Variants in HIVEP3 observed in about 807,000 individuals in gnomAD.
HIVEP3 encodes HIVEP zinc finger 3, also known as transcription factor HIVEP3.
A neutral mutation model predicts 152.8 loss-of-function variants in HIVEP3; 49 were observed. That is an observed-to-expected ratio of 0.32 (90% CI 0.26 to 0.41). The LOEUF (loss-of-function observed/expected upper bound fraction) is 0.41, where lower values mean the gene tolerates loss of function less well. Among genes scored for constraint, HIVEP3 ranks in the 10% least tolerant of loss-of-function variants. The probability of loss-of-function intolerance (pLI) is 1.00; values close to 1 mark genes in which losing one functional copy is unlikely to be tolerated. For synonymous variants in HIVEP3, 1,269 were observed against 1,289.0 expected (o/e 0.98, Z 0.33); for missense variants, 2,790 against 3,103.3 (o/e 0.90, Z 2.40).
intron 3 of HIVEP3, among the ~76,000 whole-genome samples, chr1:41,601,363 T>C (rs1219568257): frequency 2.6e-5 from 4 of 152,180 alleles, no homozygotes; most frequent in African/African-American, 4.8e-5. Flanking sequence ...GTTAACAATA[T>C]TAATTCTTCC....
At chr1:41,821,116 G>A (rs373208332) in intron 1 of HIVEP3, among the ~76,000 whole-genome samples, 1 of 152,160 alleles carries the variant, frequency 6.6e-6, no homozygotes, top group Admixed American at 6.5e-5. Context: ...CTCTTAGGTG[G>A]CTGCTGACTG....
intron 1 of HIVEP3, among the ~76,000 whole-genome samples, chr1:41,726,344 AG>A (rs553930873): frequency 1.3e-5 from 2 of 152,198 alleles, no homozygotes; most frequent in Non-Finnish European, 2.9e-5. Context: ...AAGTTGTAAC[AG>A]GGAAACTACC....
chr1:41,580,617 G>T lies in HIVEP3; in HGVS notation c.4181C>A (p.Pro1394Gln). The T allele has an allele frequency of 6.2e-7, 1 of 1,614,152 alleles. No homozygotes were observed. The highest frequency in any genetic ancestry group is 1.3e-5 in the African/African-American group (1 of 75,062). Residue 1394 changes from proline (P) to glutamine (Q), a missense_variant, in exon 4 of 9, where the codon CCA becomes CAA. Coordinates refer to ENST00000372583, the MANE Select transcript of HIVEP3 (RefSeq NM_024503.5). ...SEEQSRAFPTPYLRVPVTLPE... is the reference protein window; with the variant it reads ...SEEQSRAFPTQYLRVPVTLPE... ...TAATGTCACAGGCACTCTCAGGTAT[G>T]GAGTTGGGAAAGCTCTGCTTTGCTC...
At chr1:41,633,647 G>C (rs564404551) in intron 2 of HIVEP3, among the ~76,000 whole-genome samples, 1 of 152,042 alleles carries the variant, frequency 6.6e-6, no homozygotes, top group Admixed American at 6.5e-5. Flanking sequence ...TCAACAGCTG[G>C]TGCCCTACGA....
chr1:41,852,583 G>A (rs552287621), intron 1 of HIVEP3, among the ~76,000 whole-genome samples: 4 of 152,182 alleles, frequency 2.6e-5, no homozygotes, highest in Non-Finnish European at 5.9e-5. Context: ...AAGAAGGTGG[G>A]GTGGATGGTA....
intron 3 of HIVEP3, among the ~76,000 whole-genome samples, chr1:41,614,470 A>G (rs996119513): frequency 6.6e-6 from 1 of 152,222 alleles, no homozygotes; most frequent in African/African-American, 2.4e-5. Context: ...TCCTTTCTGC[A>G]GGGCTTCAGT....
At chr1:41,670,896 C>T (rs1645865132) in intron 2 of HIVEP3, among the ~76,000 whole-genome samples, 1 of 152,196 alleles carries the variant, frequency 6.6e-6, no homozygotes, top group Non-Finnish European at 1.5e-5. Context: ...AAAAGAAGGC[C>T]CACACAGAGG....
intron 1 of HIVEP3, among the ~76,000 whole-genome samples, chr1:41,775,469 T>TTTTG (rs751971703): frequency 4.6e-5 from 7 of 152,038 alleles, no homozygotes; most frequent in Non-Finnish European, 8.8e-5. Context: ...AAGGAGTGTT[T>TTTTG]TTTGTTTGTT....
chr1:42,014,963 T>C (rs1645513513), intron 1 of HIVEP3, among the ~76,000 whole-genome samples: 2 of 152,170 alleles, frequency 1.3e-5, no homozygotes, highest in Non-Finnish European at 2.9e-5. Context: ...CACATAAAGA[T>C]GAGATGGCAA....
intron 4 of HIVEP3, 81 bp from the exon 5 acceptor site, chr1:41,575,770 CT>C: frequency 6.8e-7 from 1 of 1,461,372 alleles, no homozygotes; most frequent in Non-Finnish European, 9.5e-7. Flanking sequence ...ATAATCATGC[CT>C]TACACAGTAC....
rs77703924 is a variant in HIVEP3 at position 41,902,637 on chromosome 1, G to A, written c.-801+15776C>T. Among the ~76,000 whole-genome samples, 1,367 of 152,344 alleles carry A rather than the reference G, an allele frequency of 9.0e-3. 21 individuals are homozygous for A. Among genetic ancestry groups the A allele is most frequent in the African/African-American group, 0.03 (1,252 of 41,570 alleles). ...CAAAGCTTTAGAAACAGAGGCTACA[G>A]AAGCTGCAGGATGGGCACACAGAAG... On this transcript the variant is annotated intron_variant, in intron 1 of 8. Coordinates refer to ENST00000372583, the MANE Select transcript of HIVEP3 (RefSeq NM_024503.5).
At chr1:41,866,403 A>G (rs1197308296) in intron 1 of HIVEP3, among the ~76,000 whole-genome samples, 1 of 152,212 alleles carries the variant, frequency 6.6e-6, no homozygotes, top group African/African-American at 2.4e-5. Flanking sequence ...GGTGACCTGC[A>G]GCTCAGGGTC....
chr1:41,518,703 G>T (rs1642677566), intron 6 of HIVEP3, among the ~76,000 whole-genome samples: 1 of 152,170 alleles, frequency 6.6e-6, no homozygotes, highest in Non-Finnish European at 1.5e-5. Flanking sequence ...GCAGTGCACA[G>T]CAGCTAGGTG....
intron 2 of HIVEP3, among the ~76,000 whole-genome samples, chr1:41,643,846 A>G (rs938039678): frequency 1.1e-4 from 8 of 70,450 alleles, no homozygotes; most frequent in Non-Finnish European, 5.8e-5. Context: ...CCCTCTGCCC[A>G]CCCCCCTCAC....
At chr1:41,979,787 T>C (rs564383342) in intron 1 of HIVEP3, among the ~76,000 whole-genome samples, 3 of 152,206 alleles carry the variant, frequency 2.0e-5, no homozygotes, top group Admixed American at 2.0e-4. Flanking sequence ...CTAAATTCCC[T>C]ATAGATATTT....
chr1:41,927,400 A>C (rs1406657337), intron 1 of HIVEP3, among the ~76,000 whole-genome samples: 1 of 152,188 alleles, frequency 6.6e-6, no homozygotes, highest in African/African-American at 2.4e-5. Context: ...ATGCTGCAAG[A>C]CAAACATACC....
At chr1:41,732,335 A>G (rs1023332544) in intron 1 of HIVEP3, among the ~76,000 whole-genome samples, 1 of 152,192 alleles carries the variant, frequency 6.6e-6, no homozygotes, top group Non-Finnish European at 1.5e-5. Context: ...CAACTCGCCC[A>G]GGGTCAAAAC....
intron 1 of HIVEP3, among the ~76,000 whole-genome samples, chr1:41,767,870 A>G (rs1034655811): frequency 1.3e-5 from 2 of 152,232 alleles, no homozygotes; most frequent in Non-Finnish European, 2.9e-5. Context: ...TCAGGAAATG[A>G]ACAAGAAGCC....
chr1:41,544,671 A>G (rs1311455248), intron 5 of HIVEP3, among the ~76,000 whole-genome samples: 29 of 140,042 alleles, frequency 2.1e-4, no homozygotes, highest in African/African-American at 7.1e-4. Context: ...TACTACCACC[A>G]CCACCACCTC....
Sources: gnomAD v4.1 joint callset for allele counts (sites outside exome capture counted in the v4.1 genomes callset) on GRCh38, gnomAD v4.1.1 for gene constraint, MANE v1.5 for transcripts, NCBI Gene and HGNC (gene_info 2026-07-23, HGNC 2026-07-21) for gene names.